The following CELF4 variants were observed in gnomAD, a reference collection of about 807,000 sequenced individuals.
The protein encoded by CELF4 is CUGBP Elav-like family member 4.
CELF4 carries 18 observed loss-of-function variants against 59.9 expected under a neutral mutation model. The observed-to-expected ratio is 0.30, with a 90% CI of 0.21 to 0.45. The LOEUF (loss-of-function observed/expected upper bound fraction) is 0.45. CELF4 is among the 20% of genes least tolerant of loss of function. The probability of loss-of-function intolerance (pLI) is 1.00; values close to 1 mark genes in which losing one functional copy is unlikely to be tolerated. For missense variants in CELF4, 456 were observed against 689.0 expected (o/e 0.66, Z 3.79); for synonymous variants, 261 against 267.1 (o/e 0.98, Z 0.22).
chr18:37,385,354 C>CAAAAAAA (rs34504926), intron 2 of CELF4, among the ~76,000 whole-genome samples: 3 of 100,448 alleles, frequency 3.0e-5, no homozygotes, highest in East Asian at 2.9e-4. Flanking sequence ...GACTCCATCT[C>CAAAAAAA]AAAAAAAAAA....
intron 11 of CELF4, 175 bp downstream of exon 11, chr18:37,259,006 C>T (rs921708217): frequency 2.4e-5 from 22 of 898,166 alleles, no homozygotes; most frequent in Non-Finnish European, 3.6e-5. Context: ...GGCCATGGAG[C>T]AGCTGGGGCG....
intron 10 of CELF4, among the ~76,000 whole-genome samples, chr18:37,261,975 C>T (rs931041730): frequency 1.1e-4 from 17 of 152,306 alleles, no homozygotes; most frequent in East Asian, 9.7e-4. Flanking sequence ...GTTCATGACT[C>T]GGACAACTCT....
rs541152329 is a variant in CELF4 at position 37,390,311 on chromosome 18, G to A, written c.370-68430C>T. Among the ~76,000 whole-genome samples the A allele has an allele frequency of 3.3e-5, 5 of 152,304 alleles. No individual in the cohort carries two copies. The East Asian group carries it at 7.7e-4, about 24-fold the overall frequency. ...CCCCGACAGCTCCCAGAGCCCTGGGGATGAGAGAACTGGGAGCCACGTGTG... is the reference window on the plus strand; with the variant it reads ...CCCCGACAGCTCCCAGAGCCCTGGGAATGAGAGAACTGGGAGCCACGTGTG... On this transcript the variant is annotated intron_variant, in intron 2 of 12. Transcript: ENST00000420428.
intron 2 of CELF4, among the ~76,000 whole-genome samples, chr18:37,477,193 G>A (rs926599423): frequency 6.6e-5 from 10 of 152,202 alleles, no homozygotes; most frequent in Non-Finnish European, 1.3e-4. Context: ...GCAGGTACAG[G>A]CTGGGAATCC....
rs72639499 is a variant in CELF4 at position 37,464,183 on chromosome 18, C to T, written c.369+21342G>A. On this transcript the variant is annotated intron_variant, in intron 2 of 12. Coordinates refer to ENST00000420428, the MANE Select transcript of CELF4 (RefSeq NM_020180.4). ...TTCATGCATAAACCTCTGGAAAGCA[C>T]GGGGCTCGGGCTGGTGAGAGAGACA... 1.7e-3 allele frequency among the ~76,000 whole-genome samples: 263 copies of T among 152,304 alleles called. 7 individuals are homozygous for T. The East Asian group carries it at 0.045, about 26-fold the overall frequency.
chr18:37,309,859 A>G (rs547694011), intron 3 of CELF4, among the ~76,000 whole-genome samples: 52 of 149,488 alleles, frequency 3.5e-4, no homozygotes, highest in African/African-American at 1.3e-3. Flanking sequence ...CTCTGTTTTC[A>G]TGCCTTTGCC....
At chr18:37,422,224 C>A (rs185621251) in intron 2 of CELF4, among the ~76,000 whole-genome samples, 426 of 152,338 alleles carry the variant, frequency 2.8e-3, no homozygotes, top group Non-Finnish European at 5.2e-3. Flanking sequence ...CTTGCAGGCT[C>A]CTCTCCTCCC....
chr18:37,475,040 C>T (rs1386855075), intron 2 of CELF4, among the ~76,000 whole-genome samples: 1 of 152,216 alleles, frequency 6.6e-6, no homozygotes, highest in East Asian at 1.9e-4. Flanking sequence ...GGGATGACTC[C>T]AAGGAGTATG....
intron 2 of CELF4, among the ~76,000 whole-genome samples, chr18:37,484,758 T>C (rs941353990): frequency 2.0e-5 from 3 of 152,246 alleles, no homozygotes; most frequent in Non-Finnish European, 4.4e-5. Flanking sequence ...GTGTGCATAC[T>C]TATAGAACAC....
At chr18:37,362,352 C>T (rs940759195) in intron 2 of CELF4, among the ~76,000 whole-genome samples, 9 of 152,334 alleles carry the variant, frequency 5.9e-5, no homozygotes, top group East Asian at 5.8e-4. Context: ...CATCACTCCC[C>T]GGCGGCAGCC....
chr18:37,256,154 T>C (rs1475098739), intron 11 of CELF4, among the ~76,000 whole-genome samples: 14 of 152,294 alleles, frequency 9.2e-5, no homozygotes, highest in African/African-American at 3.1e-4. Flanking sequence ...GAGCTACCTC[T>C]CCTTCCCTCC....
intron 1 of CELF4, among the ~76,000 whole-genome samples, chr18:37,527,179 C>T (rs1009997295): frequency 1.3e-5 from 2 of 151,954 alleles, no homozygotes; most frequent in African/African-American, 4.8e-5. Flanking sequence ...ACAGCAAGCC[C>T]TGTGCTTTGT....
chr18:37,430,309 C>G (rs1309036137), intron 2 of CELF4, among the ~76,000 whole-genome samples: 2 of 152,230 alleles, frequency 1.3e-5, no homozygotes, highest in Admixed American at 6.5e-5. Flanking sequence ...AACTTTTCAT[C>G]TCAACACGAA....
At chr18:37,407,625 A>C (rs1275602203) in intron 2 of CELF4, among the ~76,000 whole-genome samples, 2 of 152,070 alleles carry the variant, frequency 1.3e-5, no homozygotes, top group South Asian at 2.1e-4. Flanking sequence ...ACCCACACAC[A>C]TACATACAAA....
intron 1 of CELF4, among the ~76,000 whole-genome samples, chr18:37,559,158 A>G (rs200261399): frequency 1.3e-5 from 2 of 152,278 alleles, no homozygotes; most frequent in East Asian, 3.9e-4. Flanking sequence ...CATGTATGTA[A>G]TGATGAGGAC....
At chr18:37,298,315 A>T (rs1420229361) in intron 3 of CELF4, among the ~76,000 whole-genome samples, 1 of 152,212 alleles carries the variant, frequency 6.6e-6, no homozygotes, top group African/African-American at 2.4e-5. Context: ...CTCCTGTGTG[A>T]CTGCAGTGAC....
At chr18:37,376,588 C>CCCTCCATT in intron 2 of CELF4, among the ~76,000 whole-genome samples, 4 of 152,316 alleles carry the variant, frequency 2.6e-5, no homozygotes, top group Admixed American at 2.6e-4. Flanking sequence ...AGGAAGGCCC[C>CCCTCCATT]CCTCCATTTC....
intron 2 of CELF4, among the ~76,000 whole-genome samples, chr18:37,385,336 C>T (rs2099087239): frequency 8.8e-6 from 1 of 114,214 alleles, no homozygotes; most frequent in Non-Finnish European, 1.7e-5. Flanking sequence ...GCCTGGGCAA[C>T]AGTGCAAGAC....
intron 2 of CELF4, among the ~76,000 whole-genome samples, chr18:37,470,887 T>TGAGAGA (rs1557426553): frequency 1.1e-4 from 8 of 71,922 alleles, no homozygotes; most frequent in Admixed American, 1.8e-4. Context: ...TGTGTGTGTG[T>TGAGAGA]GACAGAGAGA....
Sources: gnomAD v4.1 joint callset for allele counts (sites outside exome capture counted in the v4.1 genomes callset) on GRCh38, gnomAD v4.1.1 for gene constraint, MANE v1.5 for transcripts, NCBI Gene and HGNC (gene_info 2026-07-23, HGNC 2026-07-21) for gene names.